CHCHD6: variants seen among roughly 807,000 people sequenced by gnomAD.
CHCHD6 encodes coiled-coil-helix-coiled-coil-helix domain containing 6, also known as MICOS complex subunit MIC25.
CHCHD6 carries 28 observed loss-of-function variants against 32.3 expected under a neutral mutation model. That is an observed-to-expected ratio of 0.87 (90% CI 0.64 to 1.19). CHCHD6 has a LOEUF of 1.19. Ranked by LOEUF, CHCHD6 falls within the 50% of genes most tolerant of loss-of-function variation. The probability of loss-of-function intolerance (pLI) is 0.00; values close to 1 mark genes in which losing one functional copy is unlikely to be tolerated. For missense variants in CHCHD6, 333 were observed against 307.0 expected (o/e 1.08, Z -0.63); for synonymous variants, 122 against 117.5 (o/e 1.04, Z -0.25).
At chr3:126,708,924 T>C (rs1426867244) in intron 1 of CHCHD6, among the ~76,000 whole-genome samples, 1 of 152,204 alleles carries the variant, frequency 6.6e-6, no homozygotes, top group Non-Finnish European at 1.5e-5. Flanking sequence ...GGTCTTTCAA[T>C]GACCTATCCA....
At chr3:126,741,567 C>G (rs954985257) in intron 4 of CHCHD6, among the ~76,000 whole-genome samples, 3 of 152,176 alleles carry the variant, frequency 2.0e-5, no homozygotes, top group Admixed American at 1.3e-4. Flanking sequence ...GCCTGGCTCT[C>G]TGTTCATCTC....
chr3:126,821,713 A>G (rs1940162821), intron 4 of CHCHD6, among the ~76,000 whole-genome samples: 1 of 152,146 alleles, frequency 6.6e-6, no homozygotes, highest in Non-Finnish European at 1.5e-5. Flanking sequence ...CTGTTTGATT[A>G]TAACTAATCC....
chr3:126,755,838 ATGTGTGTGTGTGTGTGTG>A (rs58430251), intron 4 of CHCHD6, among the ~76,000 whole-genome samples: 1 of 145,876 alleles, frequency 6.9e-6, no homozygotes, highest in Non-Finnish European at 1.5e-5. Flanking sequence ...CTGTGTGTGC[ATGTGTGTGTGTGTGTGTG>A]TGTGTGTGTG....
chr3:126,785,572 C>T (rs920944014), intron 4 of CHCHD6, among the ~76,000 whole-genome samples: 2 of 152,114 alleles, frequency 1.3e-5, no homozygotes, highest in African/African-American at 4.8e-5. Flanking sequence ...TTAGGTACAG[C>T]TCATAGTTTG....
chr3:126,814,994 A>G (rs1189465105), intron 4 of CHCHD6, among the ~76,000 whole-genome samples: 2 of 152,178 alleles, frequency 1.3e-5, no homozygotes, highest in Non-Finnish European at 2.9e-5. Flanking sequence ...TGTAGAATTA[A>G]TTGTTTGTTT....
intron 4 of CHCHD6, among the ~76,000 whole-genome samples, chr3:126,841,088 C>G (rs1422462194): frequency 2.6e-5 from 4 of 151,128 alleles, no homozygotes; most frequent in Admixed American, 6.6e-5. Flanking sequence ...TATTCCCCTT[C>G]CTGTGTCCAT....
chr3:126,933,557 T>C (rs1252986447), intron 6 of CHCHD6, among the ~76,000 whole-genome samples: 1 of 152,172 alleles, frequency 6.6e-6, no homozygotes, highest in Admixed American at 6.5e-5. Context: ...AAGGAGCCGG[T>C]GTGTCACCTG....
chr3:126,835,619 T>A (rs1940824617), intron 4 of CHCHD6, among the ~76,000 whole-genome samples: 1 of 152,220 alleles, frequency 6.6e-6, no homozygotes, highest in Non-Finnish European at 1.5e-5. Context: ...CTGTTGCTGG[T>A]CATGTTTGAG....
At chr3:126,773,764 C>T (rs2107678109) in intron 4 of CHCHD6, among the ~76,000 whole-genome samples, 1 of 152,190 alleles carries the variant, frequency 6.6e-6, no homozygotes, top group Middle Eastern at 3.4e-3. Flanking sequence ...CACTGTCATG[C>T]CCAGCTAATT....
At chr3:126,940,359 T>C (rs2078541717) in intron 6 of CHCHD6, among the ~76,000 whole-genome samples, 1 of 152,218 alleles carries the variant, frequency 6.6e-6, no homozygotes, top group Non-Finnish European at 1.5e-5. Context: ...ACAATATTTG[T>C]ATATCAGTAA....
At chr3:126,946,314 T>C (rs888375215) in intron 6 of CHCHD6, among the ~76,000 whole-genome samples, 3 of 152,180 alleles carry the variant, frequency 2.0e-5, no homozygotes, top group Non-Finnish European at 4.4e-5. Context: ...CATCTCCTCT[T>C]AGGGAAAGTG....
chr3:126,796,340 A>C (rs990058092), intron 4 of CHCHD6, among the ~76,000 whole-genome samples: 1 of 152,204 alleles, frequency 6.6e-6, no homozygotes, highest in African/African-American at 2.4e-5. Flanking sequence ...ACAGAGTGAG[A>C]GACCCTGTCA....
At chr3:126,716,713 G>T (rs142882009) in intron 1 of CHCHD6, among the ~76,000 whole-genome samples, 1 of 151,970 alleles carries the variant, frequency 6.6e-6, no homozygotes, top group Non-Finnish European at 1.5e-5. Flanking sequence ...TGCTGTTGGA[G>T]TGAAGACAAA....
At chr3:126,836,640 A>G (rs1042574050) in intron 4 of CHCHD6, among the ~76,000 whole-genome samples, 2 of 152,252 alleles carry the variant, frequency 1.3e-5, no homozygotes, top group Non-Finnish European at 2.9e-5. Context: ...AGAGTGAAAC[A>G]GCAGTGGGGA....
At chr3:126,798,925 T>C (rs1938931069) in intron 4 of CHCHD6, among the ~76,000 whole-genome samples, 1 of 152,158 alleles carries the variant, frequency 6.6e-6, no homozygotes, top group African/African-American at 2.4e-5. Context: ...GAATGTTCCG[T>C]TTTTCTTTCT....
At chr3:126,868,681 G>A (rs1330638066) in intron 5 of CHCHD6, among the ~76,000 whole-genome samples, 1 of 152,114 alleles carries the variant, frequency 6.6e-6, no homozygotes, top group Non-Finnish European at 1.5e-5. Context: ...ATGCCATTTG[G>A]TAACCTTTTT....
At chr3:126,712,655 C>T (rs551557388) in intron 1 of CHCHD6, among the ~76,000 whole-genome samples, 4 of 152,274 alleles carry the variant, frequency 2.6e-5, no homozygotes, top group East Asian at 1.9e-4. Flanking sequence ...CATCAACCAC[C>T]GTCTCTGCCC....
intron 4 of CHCHD6, among the ~76,000 whole-genome samples, chr3:126,763,492 G>A (rs927205052): frequency 4.5e-4 from 68 of 151,986 alleles, no homozygotes; most frequent in African/African-American, 1.5e-3. Flanking sequence ...CCCAACTATT[G>A]TTTTTGTTTG....
At chr3:126,831,702 T>C (rs527628168) in intron 4 of CHCHD6, among the ~76,000 whole-genome samples, 1 of 152,350 alleles carries the variant, frequency 6.6e-6, no homozygotes, top group Admixed American at 6.5e-5. Context: ...ACTCAATATG[T>C]GTGCTTCAGA....
Sources: allele counts gnomAD v4.1 joint callset (sites outside exome capture counted in the v4.1 genomes callset), GRCh38; gene constraint gnomAD v4.1.1; transcripts MANE v1.5; gene names NCBI Gene and HGNC (gene_info 2026-07-23, HGNC 2026-07-21).